PCDH9: variants seen among roughly 807,000 people sequenced by gnomAD.
The protein encoded by PCDH9 is protocadherin 9.
In PCDH9, 24 loss-of-function variants were observed where a neutral mutation model predicts 70.6. The ratio of observed to expected loss-of-function variants is 0.34; its 90% CI spans 0.25 to 0.48. The LOEUF (loss-of-function observed/expected upper bound fraction) is 0.48. Ranked by LOEUF, PCDH9 falls within the 20% of genes least tolerant of loss-of-function variation. The pLI is 0.99. For missense variants in PCDH9, 1,281 were observed against 1,503.6 expected, an observed-to-expected ratio of 0.85 and a Z score of 2.45; for synonymous variants, 562 against 558.5, an observed-to-expected ratio of 1.01 and a Z score of -0.09.
intron 3 of PCDH9, among the ~76,000 whole-genome samples, chr13:66,683,444 A>G (rs1334990170): frequency 1.3e-5 from 2 of 152,192 alleles, no homozygotes; most frequent in Non-Finnish European, 2.9e-5. Flanking sequence ...CTAAACAGCC[A>G]CTGGGATAAT....
intron 3 of PCDH9, among the ~76,000 whole-genome samples, chr13:66,777,664 C>T (rs2079920405): frequency 1.3e-5 from 2 of 152,134 alleles, no homozygotes; most frequent in African/African-American, 2.4e-5. Context: ...GAAATAGGAA[C>T]ACTTTGACAC....
chr13:66,370,045 G>T (rs1464185952), intron 4 of PCDH9, among the ~76,000 whole-genome samples: 1 of 152,016 alleles, frequency 6.6e-6, no homozygotes, highest in Non-Finnish European at 1.5e-5. Context: ...AATATCCACT[G>T]GTCCCAAGAA....
chr13:66,413,841 T>G (rs1239755260), intron 4 of PCDH9, among the ~76,000 whole-genome samples: 2 of 152,230 alleles, frequency 1.3e-5, no homozygotes, highest in Non-Finnish European at 2.9e-5. Flanking sequence ...CATCTGTGAC[T>G]TAGGAAAGAC....
chr13:67,073,125 G>A (rs1310278245), intron 2 of PCDH9, among the ~76,000 whole-genome samples: 3 of 152,054 alleles, frequency 2.0e-5, no homozygotes, highest in African/African-American at 7.2e-5. Flanking sequence ...AAAATTGCAG[G>A]TTACGTGGTA....
intron 2 of PCDH9, among the ~76,000 whole-genome samples, chr13:66,965,179 T>C (rs1476725194): frequency 2.0e-5 from 3 of 152,148 alleles, no homozygotes. Flanking sequence ...GTCTTAATTC[T>C]AATTTCTACT....
chr13:66,450,745 G>T (rs1037456187), intron 4 of PCDH9, among the ~76,000 whole-genome samples: 5 of 152,210 alleles, frequency 3.3e-5, no homozygotes, highest in South Asian at 4.1e-4. Context: ...GCCGGGCACG[G>T]TGGCTCACGC....
At chr13:67,192,612 A>G (rs1395649873) in intron 2 of PCDH9, among the ~76,000 whole-genome samples, 3 of 152,182 alleles carry the variant, frequency 2.0e-5, no homozygotes, top group African/African-American at 7.2e-5. Flanking sequence ...TTAGAAATGT[A>G]TTAGAAAGGA....
intron 4 of PCDH9, among the ~76,000 whole-genome samples, chr13:66,504,702 A>T (rs897624413): frequency 6.6e-6 from 1 of 152,232 alleles, no homozygotes; most frequent in Non-Finnish European, 1.5e-5. Flanking sequence ...ATGAGTGCTC[A>T]GTAAATACAT....
chr13:67,077,604 G>T (rs563083003), intron 2 of PCDH9, among the ~76,000 whole-genome samples: 1 of 152,134 alleles, frequency 6.6e-6, no homozygotes, highest in South Asian at 2.1e-4. Context: ...AATAGAATAC[G>T]TATTTGTTGA....
intron 3 of PCDH9, among the ~76,000 whole-genome samples, chr13:66,657,220 T>C (rs562173591): frequency 6.6e-6 from 1 of 152,310 alleles, no homozygotes; most frequent in Non-Finnish European, 1.5e-5. Context: ...TCAGTTCCTG[T>C]GTGTGCCATC....
intron 3 of PCDH9, among the ~76,000 whole-genome samples, chr13:66,757,483 T>G (rs2079554581): frequency 6.6e-6 from 1 of 152,204 alleles, no homozygotes. Flanking sequence ...ATTGGGTTTT[T>G]ACTTTCATTT....
intron 2 of PCDH9, among the ~76,000 whole-genome samples, chr13:67,097,443 A>G (rs1336397036): frequency 5.3e-5 from 8 of 152,204 alleles, no homozygotes. Context: ...AAAAAAATCA[A>G]ATAAAAGACA....
At chr13:66,870,541 G>GA (rs1425632416) in intron 3 of PCDH9, among the ~76,000 whole-genome samples, 3 of 151,840 alleles carry the variant, frequency 2.0e-5, no homozygotes, top group Non-Finnish European at 4.4e-5. Flanking sequence ...AAATTTACAA[G>GA]AAAAAAACAA....
At chr13:66,406,916 T>C (rs79163081) in intron 4 of PCDH9, among the ~76,000 whole-genome samples, 1 of 152,224 alleles carries the variant, frequency 6.6e-6, no homozygotes, top group East Asian at 1.9e-4. Context: ...AGAGGTTTTT[T>C]AGCTGCAGAA....
At position 66,662,055 on chromosome 13, in the gene PCDH9, G is replaced by A. The variant is rs185578307; in HGVS notation, c.3139-30644C>T. On this transcript the variant is annotated intron_variant, in intron 3 of 4. Transcript: ENST00000377865. Reference sequence around the variant, plus strand: ...CCTTTGTGAGTATGTGTGTGTGTGTGTGTGTGTATGTGTGTATGTGTGTTA... The same window carrying A: ...CCTTTGTGAGTATGTGTGTGTGTGTATGTGTGTATGTGTGTATGTGTGTTA... 8.1e-3 allele frequency among the ~76,000 whole-genome samples: 1,237 copies of A among 152,114 alleles called. 15 individuals carry two copies. The highest frequency in any genetic ancestry group is 0.027 in the African/African-American group (1,130 of 41,444).
intron 2 of PCDH9, among the ~76,000 whole-genome samples, chr13:67,088,743 C>A (rs2086158978): frequency 6.6e-6 from 1 of 152,006 alleles, no homozygotes; most frequent in Non-Finnish European, 1.5e-5. Flanking sequence ...AACTAGGTGT[C>A]CTAAGTTCTG....
chr13:66,314,031 TCA>T (rs1193711783), intron 4 of PCDH9, among the ~76,000 whole-genome samples: 1 of 152,192 alleles, frequency 6.6e-6, no homozygotes, highest in East Asian at 1.9e-4. Context: ...AATTAATATA[TCA>T]CAGCTCAGTG....
chr13:66,663,237 A>G (rs1187863039), intron 3 of PCDH9, among the ~76,000 whole-genome samples: 4 of 152,198 alleles, frequency 2.6e-5, no homozygotes, highest in African/African-American at 9.6e-5. Context: ...GATGTCCTGG[A>G]TACTTAACAT....
rs138497748 is a variant in PCDH9 at position 67,088,008 on chromosome 13, G to A, written c.3036+137397C>T. 8.9e-3 allele frequency among the ~76,000 whole-genome samples: 1,355 copies of A among 151,926 alleles called. 10 individuals are homozygous for A. Among genetic ancestry groups the A allele is most frequent in the Non-Finnish European group, 0.014 (936 of 67,922 alleles). On this transcript the variant is annotated intron_variant, in intron 2 of 4. Transcript: ENST00000377865. ...TCTCTCTTGATATAGCACCAAAATAGCCTGATCAGCCCAAAAGCTGCTGAG... is the reference window on the plus strand; with the variant it reads ...TCTCTCTTGATATAGCACCAAAATAACCTGATCAGCCCAAAAGCTGCTGAG...
Sources: allele counts gnomAD v4.1 joint callset (sites outside exome capture counted in the v4.1 genomes callset), GRCh38; gene constraint gnomAD v4.1.1; transcripts MANE v1.5; gene names NCBI Gene and HGNC (gene_info 2026-07-23, HGNC 2026-07-21).